Variants in CEP120 observed in about 807,000 individuals in gnomAD.
CEP120 encodes the protein centrosomal protein 120.
In CEP120, 113 loss-of-function variants were observed where a neutral mutation model predicts 126.5. That is an observed-to-expected ratio of 0.89 (90% CI 0.77 to 1.04). The LOEUF is 1.04. Ranked by LOEUF, CEP120 falls within the 50% of genes least tolerant of loss-of-function variation. The pLI is 0.00. For missense variants in CEP120, 1,230 were observed against 1,155.7 expected (o/e 1.06, Z -0.93); for synonymous variants, 400 against 394.3 (o/e 1.01, Z -0.17).
chr5:123,415,082 T>C (rs1052422349), intron 3 of CEP120, among the ~76,000 whole-genome samples: 2 of 142,060 alleles, frequency 1.4e-5, no homozygotes, highest in Admixed American at 1.4e-4. Flanking sequence ...CTCTTGGGAG[T>C]AGGGGGGCAG....
At chr5:123,371,046 T>C (rs1770817619) in intron 17 of CEP120, among the ~76,000 whole-genome samples, 3 of 151,954 alleles carry the variant, frequency 2.0e-5, no homozygotes, top group Admixed American at 6.6e-5. Flanking sequence ...TCTAAGACAT[T>C]CCCCCATATG....
chr5:123,349,565 A>G (rs970080057), intron 19 of CEP120, among the ~76,000 whole-genome samples: 6 of 152,254 alleles, frequency 3.9e-5, no homozygotes, highest in African/African-American at 1.4e-4. Context: ...ATGGAAACAC[A>G]AGAGCTGAAT....
chr5:123,355,056 A>C (rs1265361783), intron 18 of CEP120, among the ~76,000 whole-genome samples: 1 of 151,624 alleles, frequency 6.6e-6, no homozygotes, highest in Non-Finnish European at 1.5e-5. Context: ...TGTCCTTGCA[A>C]TAGTTTGCTG....
intron 6 of CEP120, 43 bp downstream of exon 6, chr5:123,393,257 A>T (rs761239720): frequency 2.7e-5 from 43 of 1,579,562 alleles, no homozygotes; most frequent in Non-Finnish European, 3.7e-5. Flanking sequence ...ATTAATGCTT[A>T]AAAGACCACC....
At chr5:123,369,658 A>G (rs1279576072) in intron 17 of CEP120, among the ~76,000 whole-genome samples, 1 of 151,950 alleles carries the variant, frequency 6.6e-6, no homozygotes, top group East Asian at 1.9e-4. Flanking sequence ...TTCTCTTCTC[A>G]CAGATCCCAA....
chr5:123,423,072 G>A lies in CEP120; in HGVS notation c.-74C>T. On this transcript the variant is annotated 5_prime_UTR_variant, in exon 1 of 20. Coordinates refer to ENST00000306467, the MANE Select transcript of CEP120 (RefSeq NM_001375405.1). ...TCCAGTTGAGTCGCGGGTAATCCGGGACCCCCGGCGGGACCCCCACTGCCC... is the reference window on the plus strand; with the variant it reads ...TCCAGTTGAGTCGCGGGTAATCCGGAACCCCCGGCGGGACCCCCACTGCCC... 3 of 1,347,874 alleles carry A rather than the reference G, an allele frequency of 2.2e-6. No individual in the cohort carries two copies. The highest frequency in any genetic ancestry group is 1.1e-6 in the Non-Finnish European group (1 of 943,866). The allele number at this position is 1,347,874 out of a possible 1,614,324, so 83.5% of individuals were successfully genotyped here. A position where few individuals can be genotyped will look rare whatever the true frequency, so the allele number is the denominator to read the frequency against.
At chr5:123,360,453 G>A (rs998514973) in intron 18 of CEP120, among the ~76,000 whole-genome samples, 1 of 151,822 alleles carries the variant, frequency 6.6e-6, no homozygotes, top group African/African-American at 2.4e-5. Context: ...TGTGGGATAA[G>A]GATTAAAATT....
rs772770081 is a variant in CEP120, at chr5:123,386,675, TTAAAA to T, written c.1431-13_1431-9del. 4.1e-3 allele frequency: 2,781 copies of T among 683,870 alleles called. 4 individuals carry two copies. Among genetic ancestry groups the T allele is most frequent in the South Asian group, 6.7e-3 (121 of 18,154 alleles). The allele number at this position is 683,870 out of a possible 1,614,324, so 42.4% of individuals were successfully genotyped here. On this transcript the variant is annotated splice_polypyrimidine_tract_variant and intron_variant, in intron 9 of 19. Transcript: ENST00000306467. ...AAGAATGGATATGAGTACCTAGAAT[TTAAAA>T]AAAAAAAAAAAAAAAAAAGCCTTAA... is the stretch of plus-strand genomic sequence containing the variant.
chr5:123,401,102 CT>C (rs761479003), intron 4 of CEP120: 5 of 1,596,952 alleles, frequency 3.1e-6, no homozygotes, highest in Non-Finnish European at 4.3e-6. Flanking sequence ...CGCTGGTGGT[CT>C]TCGTATGAAT....
chr5:123,415,081 G>A (rs866160140), intron 3 of CEP120, among the ~76,000 whole-genome samples: 3 of 151,280 alleles, frequency 2.0e-5, no homozygotes, highest in African/African-American at 7.3e-5. Context: ...TCTCTTGGGA[G>A]TAGGGGGGCA....
chr5:123,401,526 G>C (rs575844615), intron 4 of CEP120: 1 of 1,289,892 alleles, frequency 7.8e-7, no homozygotes, highest in Non-Finnish European at 1.1e-6. Flanking sequence ...GCCTGGCTGC[G>C]GTTGGCGATC....
chr5:123,348,494 G>A (rs1438498850), intron 19 of CEP120, among the ~76,000 whole-genome samples: 3 of 152,176 alleles, frequency 2.0e-5, no homozygotes, highest in Admixed American at 6.5e-5. Flanking sequence ...GAATAAATGA[G>A]AATAAAAGTA....
At position 123,423,069 on chromosome 5, in the gene CEP120, C is replaced by T. The variant is rs1001788466; in HGVS notation, c.-71G>A. 1 of 1,365,182 alleles carries T rather than the reference C, an allele frequency of 7.3e-7. No homozygotes were observed. The highest frequency in any genetic ancestry group is 2.3e-5 in the East Asian group (1 of 43,428). 84.6% of individuals were successfully genotyped at this position (1,365,182 alleles called of 1,614,324 possible). On this transcript the variant is annotated 5_prime_UTR_variant, in exon 1 of 20. Transcript: ENST00000306467. Reference sequence around the variant, plus strand: ...AGGTCCAGTTGAGTCGCGGGTAATCCGGGACCCCCGGCGGGACCCCCACTG... The same window carrying T: ...AGGTCCAGTTGAGTCGCGGGTAATCTGGGACCCCCGGCGGGACCCCCACTG...
At chr5:123,361,177 T>A (rs1450375633) in intron 18 of CEP120, among the ~76,000 whole-genome samples, 1 of 151,804 alleles carries the variant, frequency 6.6e-6, no homozygotes, top group Non-Finnish European at 1.5e-5. Context: ...TTCTTCCCCA[T>A]CTACTCTCCA....
At chr5:123,381,835 A>T (rs533077997) in intron 14 of CEP120, among the ~76,000 whole-genome samples, 2 of 151,782 alleles carry the variant, frequency 1.3e-5, no homozygotes, top group Admixed American at 6.6e-5. Context: ...GCCTCAAGCA[A>T]TCCTCCCTCA....
chr5:123,385,751 G>C (rs1771977096), intron 10 of CEP120, among the ~76,000 whole-genome samples: 1 of 151,826 alleles, frequency 6.6e-6, no homozygotes, highest in South Asian at 2.1e-4. Flanking sequence ...TAAGTAGCTG[G>C]GACTGCAGGT....
chr5:123,400,548 C>T (rs573947913), intron 4 of CEP120, among the ~76,000 whole-genome samples: 3 of 150,900 alleles, frequency 2.0e-5, no homozygotes, highest in African/African-American at 7.3e-5. Flanking sequence ...TCTGAATTGA[C>T]AATATATATA....
At chr5:123,415,954 C>T in intron 3 of CEP120, 56 bp downstream of exon 3, 3 of 1,157,668 alleles carry the variant, frequency 2.6e-6, no homozygotes, top group East Asian at 4.8e-5. Flanking sequence ...CTGTTATCTA[C>T]TGAAAATAAT....
At chr5:123,422,371 T>G (rs1774772475) in intron 1 of CEP120, 4 of 809,648 alleles carry the variant, frequency 4.9e-6, no homozygotes, top group South Asian at 4.9e-5. Context: ...CATCCTTAGC[T>G]TTTTAGAATC....
Sources: allele counts gnomAD v4.1 joint callset (sites outside exome capture counted in the v4.1 genomes callset), GRCh38; gene constraint gnomAD v4.1.1; transcripts MANE v1.5; gene names NCBI Gene and HGNC (gene_info 2026-07-23, HGNC 2026-07-21).